The following TOP1 variants were observed in gnomAD, a reference collection of about 807,000 sequenced individuals.
TOP1 encodes DNA topoisomerase I.
TOP1 carries 10 observed loss-of-function variants against 111.1 expected under a neutral mutation model. The observed-to-expected ratio is 0.09, with a 90% CI of 0.06 to 0.15. The LOEUF (loss-of-function observed/expected upper bound fraction) is 0.15. TOP1 is among the 10% of genes least tolerant of loss of function. The probability of loss-of-function intolerance (pLI) is 1.00; values close to 1 mark genes in which losing one functional copy is unlikely to be tolerated. For synonymous variants in TOP1, 271 were observed against 302.9 expected, an observed-to-expected ratio of 0.89 and a Z score of 1.10; for missense variants, 474 against 926.7, an observed-to-expected ratio of 0.51 and a Z score of 6.34.
At chr20:41,075,984 G>T (rs1049224684) in intron 3 of TOP1, among the ~76,000 whole-genome samples, 187 bp from the exon 4 acceptor site, 1 of 152,044 alleles carries the variant, frequency 6.6e-6, no homozygotes, top group Non-Finnish European at 1.5e-5. Flanking sequence ...TCTGTTCTTT[G>T]CAAAAATAAA....
At chr20:41,108,664 T>C (rs1372060097) in intron 13 of TOP1, among the ~76,000 whole-genome samples, 2 of 152,222 alleles carry the variant, frequency 1.3e-5, no homozygotes, top group Non-Finnish European at 2.9e-5. Flanking sequence ...CTTGCAAGCA[T>C]ATTTCCATTC....
At chr20:41,081,338 G>C in intron 7 of TOP1, 98 bp downstream of exon 7, 1 of 1,399,930 alleles carries the variant, frequency 7.1e-7, no homozygotes, top group African/African-American at 1.5e-5. Context: ...GATATTTATT[G>C]GCTTGTTATA....
At chr20:41,104,662 G>A (rs1017881260) in intron 13 of TOP1, among the ~76,000 whole-genome samples, 1 of 152,218 alleles carries the variant, frequency 6.6e-6, no homozygotes, top group African/African-American at 2.4e-5. Flanking sequence ...GTTAGACTCT[G>A]AACCTTATGC....
chr20:41,029,602 G>T lies in TOP1; in HGVS notation c.58+147G>T. 1.4e-6 allele frequency: 1 copy of T among 709,692 alleles called. No individual in the cohort carries two copies. The highest frequency in any genetic ancestry group is 2.5e-6 in the Non-Finnish European group (1 of 402,324). The allele number at this position is 709,692 out of a possible 1,614,324, so 44.0% of individuals were successfully genotyped here. A position where few individuals can be genotyped will look rare whatever the true frequency, so the allele number is the denominator to read the frequency against. ...TCACCGGCCCCATTGTTCCCATCGG[G>T]CCGCCTCTTGACCCCCTTTCCGGGG... On this transcript the variant is annotated intron_variant, in intron 2 of 20. Transcript: ENST00000361337. This position sits in a 1 kb window ranked among gnomAD's most constrained non-coding sequence, Gnocchi z 6.1.
chr20:41,039,485 G>GT (rs944415277), intron 2 of TOP1, among the ~76,000 whole-genome samples: 74 of 151,182 alleles, frequency 4.9e-4, no homozygotes, highest in Middle Eastern at 3.4e-3. Context: ...ACAAAAAATG[G>GT]TTTTTTTTTG....
chr20:41,059,367 G>GA (rs2033514683), intron 2 of TOP1, among the ~76,000 whole-genome samples: 1 of 150,024 alleles, frequency 6.7e-6, no homozygotes, highest in Non-Finnish European at 1.5e-5. Context: ...TTATTGATTA[G>GA]AAAAAAATGA....
At chr20:41,038,783 C>A (rs1046621138) in intron 2 of TOP1, among the ~76,000 whole-genome samples, 1 of 152,020 alleles carries the variant, frequency 6.6e-6, no homozygotes, top group African/African-American at 2.4e-5. Context: ...CCCAGGAGTT[C>A]AAGATCAGCC....
intron 3 of TOP1, among the ~76,000 whole-genome samples, chr20:41,066,836 G>A (rs997297181): frequency 6.6e-6 from 1 of 152,044 alleles, no homozygotes; most frequent in African/African-American, 2.4e-5. Flanking sequence ...TTACAGGCGT[G>A]AGCCACCGCG....
Position 41,116,455 on chromosome 20 carries a change from A to G in TOP1, c.1822+63A>G. The stretch of plus-strand genomic sequence containing the variant: ...CTAATGGTATCCGGTGACCTTGCTT[A>G]TCTAAGGCCTAGAGTCAGTTCTACT... On this transcript the variant is annotated intron_variant, in intron 17 of 20. Transcript: ENST00000361337. This position sits in a 1 kb window ranked among gnomAD's most constrained non-coding sequence, Gnocchi z 5.6. 7.6e-7 allele frequency: 1 copy of G among 1,315,906 alleles called. No individual in the cohort carries two copies. The highest frequency in any genetic ancestry group is 1.7e-5 in the Admixed American group (1 of 57,302). 81.5% of individuals were successfully genotyped at this position (1,315,906 alleles called of 1,614,324 possible).
chr20:41,028,920 T>C lies in TOP1; in HGVS notation c.-148T>C, dbSNP rs2033075723. ...GCCGCCGTGGTAGCAGCCTCAGCCG[T>C]TTCTGGAGTCTCGGGCCCACAGTCA... On this transcript the variant is annotated 5_prime_UTR_variant, in exon 1 of 21. Coordinates refer to ENST00000361337, the MANE Select transcript of TOP1 (RefSeq NM_003286.4). The C allele has an allele frequency of 4.7e-6, 3 of 640,782 alleles. No homozygotes were observed. The Admixed American group carries it at 8.3e-5, about 18-fold the overall frequency. The allele number at this position is 640,782 out of a possible 1,614,324, so 39.7% of individuals were successfully genotyped here.
At chr20:41,086,566 C>T (rs770097807) in intron 8 of TOP1, among the ~76,000 whole-genome samples, 5 of 152,170 alleles carry the variant, frequency 3.3e-5, no homozygotes, top group African/African-American at 7.2e-5. Context: ...TTTTTGGGAT[C>T]CAGGCAAGTG....
At position 41,114,231 on chromosome 20, in the gene TOP1, CT is replaced by C; in HGVS notation, c.1638+79del. The C allele has an allele frequency of 4.5e-6, 6 of 1,341,144 alleles. No individual in the cohort carries two copies. The highest frequency in any genetic ancestry group is 2.7e-4 in the Middle Eastern group (1 of 3,730). The allele number at this position is 1,341,144 out of a possible 1,614,324, so 83.1% of individuals were successfully genotyped here. On this transcript the variant is annotated intron_variant, in intron 15 of 20. Coordinates refer to ENST00000361337, the MANE Select transcript of TOP1 (RefSeq NM_003286.4). This position sits in a 1 kb window ranked among gnomAD's most constrained non-coding sequence, Gnocchi z 4.5. ...CATGGGTTGACTGCTTTTTTGTGTG[CT>C]TTGCACTTTGCTGGGCACCAGCAAA... is the stretch of plus-strand genomic sequence containing the variant.
rs991585248 is a variant in TOP1 at position 41,110,967 on chromosome 20, G to A, written c.1309-1815G>A. On this transcript the variant is annotated intron_variant, in intron 13 of 20. Coordinates refer to ENST00000361337, the MANE Select transcript of TOP1 (RefSeq NM_003286.4). The surrounding 1 kb of genome is among the most constrained non-coding windows in gnomAD (Gnocchi z 4.2). The stretch of plus-strand genomic sequence containing the variant: ...TATTTGAGAGAATCCTAGATCCTTG[G>A]TGCAGAAGCCCAGCCAGCCTGTGAA... 6.6e-6 allele frequency among the ~76,000 whole-genome samples: 1 copy of A among 152,214 alleles called. No homozygotes were observed. Among genetic ancestry groups the A allele is most frequent in the African/African-American group, 2.4e-5 (1 of 41,454 alleles).
rs1219676151 is a variant in TOP1 at position 41,095,531 on chromosome 20, AG to A, written c.731-1688del. On this transcript the variant is annotated intron_variant, in intron 9 of 20. Coordinates refer to ENST00000361337, the MANE Select transcript of TOP1 (RefSeq NM_003286.4). The surrounding 1 kb of genome is among the most constrained non-coding windows in gnomAD (Gnocchi z 4.6). The stretch of plus-strand genomic sequence containing the variant: ...CGAAGTGTCTTTCTTCCAAAGCAGA[AG>A]CTTGGGGGTTGATGGGGGCAGCTGC... Among the ~76,000 whole-genome samples the A allele has an allele frequency of 1.3e-5, 2 of 152,154 alleles. No homozygotes were observed. The highest frequency in any genetic ancestry group is 2.9e-5 in the Non-Finnish European group (2 of 68,014).
At chr20:41,060,135 A>T (rs2033527167) in intron 2 of TOP1, among the ~76,000 whole-genome samples, 1 of 152,244 alleles carries the variant, frequency 6.6e-6, no homozygotes, top group Admixed American at 6.5e-5. Flanking sequence ...TACATTTTTT[A>T]TATTACCCAG....
chr20:41,096,269 T>C (rs1472378933), intron 9 of TOP1, among the ~76,000 whole-genome samples: 1 of 152,342 alleles, frequency 6.6e-6, no homozygotes, highest in African/African-American at 2.4e-5. Flanking sequence ...GTTTTCGCCA[T>C]GTTGGCCAGG....
intron 2 of TOP1, among the ~76,000 whole-genome samples, chr20:41,031,014 T>C (rs2033112811): frequency 6.6e-6 from 1 of 152,122 alleles, no homozygotes; most frequent in Non-Finnish European, 1.5e-5. Context: ...TACTGGGGCA[T>C]ATGTGTACCC....
rs1004466973 is a variant in TOP1, at chr20:41,092,376, A to T, written c.615-96A>T. The T allele has an allele frequency of 1.8e-6, 1 of 569,120 alleles. No individual in the cohort carries two copies. The highest frequency in any genetic ancestry group is 3.1e-6 in the Non-Finnish European group (1 of 321,064). 35.3% of individuals were successfully genotyped at this position (569,120 alleles called of 1,614,324 possible). On this transcript the variant is annotated intron_variant, in intron 8 of 20. Transcript: ENST00000361337. The surrounding 1 kb of genome is among the most constrained non-coding windows in gnomAD (Gnocchi z 4.3). The stretch of plus-strand genomic sequence containing the variant: ...GCCCAGAAGTCATTCCAGAGCACTA[A>T]TCAGTTGAGCGGATAATTATTTGGC...
chr20:41,083,549 T>C lies in TOP1; in HGVS notation c.508-913T>C, dbSNP rs956747810. On this transcript the variant is annotated intron_variant, in intron 7 of 20. Coordinates refer to ENST00000361337, the MANE Select transcript of TOP1 (RefSeq NM_003286.4). This position sits in a 1 kb window ranked among gnomAD's most constrained non-coding sequence, Gnocchi z 7.2. ...ACAAAATATGTTTCAAAGTCCTTGATTGTAACTGGAAGTGGTTAAATGAAC... is the reference window on the plus strand; with the variant it reads ...ACAAAATATGTTTCAAAGTCCTTGACTGTAACTGGAAGTGGTTAAATGAAC... 6.6e-6 allele frequency among the ~76,000 whole-genome samples: 1 copy of C among 152,196 alleles called. No individual in the cohort carries two copies. The highest frequency in any genetic ancestry group is 6.5e-5 in the Admixed American group (1 of 15,288).
Sources: gnomAD v4.1 joint callset for allele counts (sites outside exome capture counted in the v4.1 genomes callset) on GRCh38, gnomAD v4.1.1 for gene constraint, Gnocchi (gnomAD v3.1) non-coding constraint, MANE v1.5 for transcripts, NCBI Gene and HGNC (gene_info 2026-07-23, HGNC 2026-07-21) for gene names.